The following LYPLA1 variants were observed in gnomAD, a reference collection of about 807,000 sequenced individuals.
LYPLA1 encodes lysophospholipase 1.
A neutral mutation model predicts 34.0 loss-of-function variants in LYPLA1; 17 were observed. That is an observed-to-expected ratio of 0.50 (90% CI 0.34 to 0.75). LYPLA1 has a LOEUF of 0.75. Ranked by LOEUF, LYPLA1 falls within the 30% of genes least tolerant of loss-of-function variation. LYPLA1 has a pLI of 0.01. For synonymous variants in LYPLA1, 98 were observed against 100.8 expected, an observed-to-expected ratio of 0.97 and a Z score of 0.17; for missense variants, 203 against 288.8, an observed-to-expected ratio of 0.70 and a Z score of 2.15.
intron 2 of LYPLA1, among the ~76,000 whole-genome samples, chr8:54,099,660 C>CCAAA (rs932062772): frequency 2.6e-5 from 4 of 152,044 alleles, no homozygotes; most frequent in Non-Finnish European, 4.4e-5. Context: ...GACCCTGTCT[C>CCAAA]CAAACAAACA....
chr8:54,044,625 C>T (rs539600992), downstream of LYPLA1, among the ~76,000 whole-genome samples: 1 of 151,588 alleles, frequency 6.6e-6, no homozygotes, highest in Non-Finnish European at 1.5e-5. Context: ...TCTAGTTCAC[C>T]TATGTGCACT....
At chr8:54,089,651 G>T (rs1032813507) in intron 2 of LYPLA1, among the ~76,000 whole-genome samples, 8 of 150,880 alleles carry the variant, frequency 5.3e-5, no homozygotes, top group Admixed American at 1.3e-4. Flanking sequence ...TTGAGATAGG[G>T]TCTCACTGTT....
At position 54,085,857 on chromosome 8, in the gene LYPLA1, G is replaced by A. The variant is rs1162433600; in HGVS notation, c.101+15051C>T. Among the ~76,000 whole-genome samples the A allele has an allele frequency of 2.3e-3, 334 of 147,622 alleles. 4 individuals are homozygous for A. The highest frequency in any genetic ancestry group is 2.9e-3 in the Non-Finnish European group (193 of 66,404). ...CCAGCCGCCCCGTCCGCGAGGTGGG[G>A]GGGGCGCCTCTGCCCAGCCGCCCCG... On this transcript the variant is annotated intron_variant, in intron 2 of 8. Coordinates refer to ENST00000316963, the MANE Select transcript of LYPLA1 (RefSeq NM_006330.4).
chr8:54,052,793 A>G, intron 6 of LYPLA1, 37 bp from the exon 7 acceptor site: 1 of 1,291,046 alleles, frequency 7.7e-7, no homozygotes. Context: ...TGGAACACAC[A>G]TGCTTGCCCA....
intron 3 of LYPLA1, among the ~76,000 whole-genome samples, chr8:54,065,354 A>T (rs1806972942): frequency 6.6e-6 from 1 of 152,022 alleles, no homozygotes. Context: ...GCTACTCTGG[A>T]GGCTGAGGCA....
intron 2 of LYPLA1, chr8:54,073,523 C>T (rs1029799540): frequency 5.8e-6 from 4 of 688,546 alleles, no homozygotes; most frequent in Non-Finnish European, 2.7e-6. Context: ...TACACTGCCA[C>T]TTCTATGCCA....
chr8:54,084,298 C>T (rs1225616648), intron 2 of LYPLA1, among the ~76,000 whole-genome samples: 3 of 151,618 alleles, frequency 2.0e-5, no homozygotes, highest in South Asian at 2.1e-4. Context: ...GAGGCCGGCG[C>T]GGTGGCTCAC....
intron 8 of LYPLA1, 40 bp from the exon 9 acceptor site, chr8:54,048,158 T>A: frequency 7.7e-7 from 1 of 1,305,368 alleles, no homozygotes; most frequent in Non-Finnish European, 1.1e-6. Context: ...GGTAGTTATG[T>A]AAGTCAGAAA....
chr8:54,055,647 T>A (rs1806154460), intron 5 of LYPLA1, among the ~76,000 whole-genome samples: 1 of 144,792 alleles, frequency 6.9e-6, no homozygotes, highest in Non-Finnish European at 1.5e-5. Context: ...TCCTAATTAT[T>A]TTTTTTTTTT....
chr8:54,046,879 T>C lies in LYPLA1; in HGVS notation c.*1186A>G, dbSNP rs1203213887. 1 of 152,170 alleles carries C rather than the reference T, an allele frequency of 6.6e-6. No homozygotes were observed. The highest frequency in any genetic ancestry group is 1.5e-5 in the Non-Finnish European group (1 of 67,986). The allele number at this position is 152,170 out of a possible 1,614,324, so 9.4% of individuals were successfully genotyped here. ...TGACAATTTAAAATGATTGCTATTTTTATGTCTGCATCAAAAACTAATACA... is the reference window on the plus strand; with the variant it reads ...TGACAATTTAAAATGATTGCTATTTCTATGTCTGCATCAAAAACTAATACA... On this transcript the variant is annotated 3_prime_UTR_variant, in exon 9 of 9. Transcript: ENST00000316963.
At chr8:54,062,096 G>A (rs961548762) in intron 5 of LYPLA1, among the ~76,000 whole-genome samples, 158 bp downstream of exon 5, 10 of 152,178 alleles carry the variant, frequency 6.6e-5, no homozygotes, top group Admixed American at 5.9e-4. Context: ...ACCTTCAGGT[G>A]ACCCACCCGC....
intron 2 of LYPLA1, among the ~76,000 whole-genome samples, chr8:54,072,206 C>T (rs998686008): frequency 5.3e-5 from 8 of 152,058 alleles, no homozygotes; most frequent in Non-Finnish European, 1.0e-4. Flanking sequence ...GAAACTGGAC[C>T]CCCACCTAAC....
chr8:54,070,622 C>G (rs1247463252), intron 2 of LYPLA1, among the ~76,000 whole-genome samples: 1 of 152,102 alleles, frequency 6.6e-6, no homozygotes, highest in Non-Finnish European at 1.5e-5. Context: ...ACTGGGGAGA[C>G]TGAGGTAGAA....
intron 2 of LYPLA1, among the ~76,000 whole-genome samples, chr8:54,094,062 A>G (rs780659259): frequency 6.6e-6 from 1 of 152,216 alleles, no homozygotes; most frequent in Non-Finnish European, 1.5e-5. Context: ...CATGTTGCCA[A>G]TTTATTTTAA....
rs1444428729 is a variant in LYPLA1 at position 54,047,860 on chromosome 8, T to A, written c.*205A>T. 2.4e-6 allele frequency: 1 copy of A among 417,384 alleles called. No individual in the cohort carries two copies. Among genetic ancestry groups the A allele is most frequent in the African/African-American group, 2.0e-5 (1 of 48,912 alleles). 25.9% of individuals were successfully genotyped at this position (417,384 alleles called of 1,614,324 possible). The stretch of plus-strand genomic sequence containing the variant: ...CTATTCTAATATAGTAGATCCTGGG[T>A]CGTCTTATAAGAATACATGTATAGA... On this transcript the variant is annotated 3_prime_UTR_variant, in exon 9 of 9. Transcript: ENST00000316963.
At chr8:54,100,735 A>C (rs1006836405) in intron 2 of LYPLA1, 173 bp downstream of exon 2, 1 of 617,860 alleles carries the variant, frequency 1.6e-6, no homozygotes, top group African/African-American at 1.9e-5. Context: ...CACGATGATA[A>C]GGGGAAAATT....
At chr8:54,085,779 AC>A (rs202109968) in intron 2 of LYPLA1, among the ~76,000 whole-genome samples, 141,551 of 146,678 alleles carry the variant, frequency 0.97, 68,265 homozygotes, top group East Asian at 0.99. Context: ...GGCAGCCCCC[AC>A]CCCGGCCAGC....
chr8:54,098,271 T>G (rs931548736), intron 2 of LYPLA1, among the ~76,000 whole-genome samples: 21 of 151,740 alleles, frequency 1.4e-4, no homozygotes, highest in African/African-American at 4.1e-4. Context: ...ATAACCCAGA[T>G]GGCTACCAAG....
intron 2 of LYPLA1, among the ~76,000 whole-genome samples, chr8:54,071,867 G>A (rs1331613159): frequency 3.3e-5 from 5 of 151,926 alleles, no homozygotes; most frequent in South Asian, 4.2e-4. Flanking sequence ...CATTCTTCAC[G>A]GAATTAGGAA....
Sources: allele counts gnomAD v4.1 joint callset (sites outside exome capture counted in the v4.1 genomes callset), GRCh38; gene constraint gnomAD v4.1.1; transcripts MANE v1.5; gene names NCBI Gene and HGNC (gene_info 2026-07-23, HGNC 2026-07-21).